ABCA7: variants seen among roughly 807,000 people sequenced by gnomAD.
ABCA7 encodes the protein ATP binding cassette subfamily A member 7.
A neutral mutation model predicts 227.6 loss-of-function variants in ABCA7; 261 were observed. The observed-to-expected ratio is 1.15, with a 90% CI of 1.04 to 1.27. The LOEUF is 1.27. ABCA7 is among the 50% of genes most tolerant of loss of function. The pLI, the probability that ABCA7 is intolerant of heterozygous loss-of-function variation, is 0.00. For synonymous variants in ABCA7, 1,488 were observed against 1,279.7 expected (o/e 1.16, Z -3.47); for missense variants, 3,331 against 2,924.5 (o/e 1.14, Z -3.21).
rs767152491 is a variant in ABCA7 at position 1,055,327 on chromosome 19, C to T, written c.4181C>T (p.Thr1394Ile). ...AACCTGTCTGACTTCCTGGTCAAGA[C>T]CTACCCGCGCCTGGTGCGCCAGGGG... Reference protein sequence around the residue: ...GRNLSDFLVKTYPRLVRQGLK... With the variant: ...GRNLSDFLVKIYPRLVRQGLK... Residue 1394 changes from threonine to isoleucine, a missense_variant, in exon 30 of 47, where the codon ACC becomes ATC. By Grantham distance (89) the Thr-to-Ile change is moderately conservative (BLOSUM62 -1). Transcript: ENST00000263094. The T allele has an allele frequency of 1.9e-6, 3 of 1,593,642 alleles. No homozygotes were observed. Among genetic ancestry groups the T allele is most frequent in the African/African-American group, 2.7e-5 (2 of 74,692 alleles).
chr19:1,061,351 C>A (rs1188757047), intron 40 of ABCA7, among the ~76,000 whole-genome samples: 1 of 137,974 alleles, frequency 7.2e-6, no homozygotes, highest in African/African-American at 2.9e-5. Context: ...GGGCCAAGAT[C>A]GTGCCATTGC....
In ABCA7 at chr19:1,054,154, C is replaced by T. The variant is rs1340823555; in HGVS notation, c.3578-39C>T. The T allele has an allele frequency of 3.1e-6, 5 of 1,612,204 alleles. No homozygotes were observed. The highest frequency in any genetic ancestry group is 1.7e-5 in the Admixed American group (1 of 59,940). On this transcript the variant is annotated intron_variant, in intron 26 of 46. Transcript: ENST00000263094. The surrounding 1 kb of genome is among the most constrained non-coding windows in gnomAD (Gnocchi z 4.8). Reference sequence around the variant, plus strand: ...CCCTGGGGTCCTCCCAGCCACCCCCCCACAGCAGCGTGAGCACTGACCCTC... The same window carrying T: ...CCCTGGGGTCCTCCCAGCCACCCCCTCACAGCAGCGTGAGCACTGACCCTC...
chr19:1,051,870 C>T (rs2041664414), intron 21 of ABCA7, 72 bp from the exon 22 acceptor site: 1 of 1,566,474 alleles, frequency 6.4e-7, no homozygotes, highest in Middle Eastern at 2.3e-4. Flanking sequence ...CAGACAACTC[C>T]TGGCAGAGGC....
chr19:1,064,318 G>A (rs1453047636), intron 45 of ABCA7, 65 bp downstream of exon 45: 4 of 1,454,102 alleles, frequency 2.8e-6, no homozygotes, highest in Non-Finnish European at 3.7e-6. Context: ...GCTCAGGGGA[G>A]AGGCCAGACG....
At chr19:1,057,105 G>C in intron 34 of ABCA7, 21 bp downstream of exon 34, 1 of 1,603,248 alleles carries the variant, frequency 6.2e-7, no homozygotes, top group Non-Finnish European at 8.5e-7. Flanking sequence ...TGCTTGGACG[G>C]GTGGGGGCCC....
At chr19:1,048,766 G>A (rs1330325246) in intron 16 of ABCA7, 129 bp from the exon 17 acceptor site, 2 of 464,272 alleles carry the variant, frequency 4.3e-6, no homozygotes, top group South Asian at 4.6e-5. Context: ...TCAAAATCGT[G>A]CCACTGCACT....
In ABCA7 at chr19:1,063,724, CG is replaced by C. The variant is rs2144969313; in HGVS notation, c.5848-32del. On this transcript the variant is annotated intron_variant, in intron 43 of 46. Coordinates refer to ENST00000263094, the MANE Select transcript of ABCA7 (RefSeq NM_019112.4). ...GGTGGGGTGGGGCCTGCGACGGAGG[CG>C]GGGCCTTGCTTATGGGATCTTCCGT... The C allele has an allele frequency of 1.9e-6, 3 of 1,551,396 alleles. No homozygotes were observed. The African/African-American group carries it at 4.1e-5, about 21-fold the overall frequency.
rs202017276 is a variant in ABCA7 at position 1,042,756 on chromosome 19, G to T, written c.509G>T (p.Gly170Val). Residue 170 changes from glycine to valine, a missense_variant, in exon 7 of 47, where the codon GGG becomes GTG. Gly to Val is a moderately radical substitution (Grantham distance 109). Coordinates refer to ENST00000263094, the MANE Select transcript of ABCA7 (RefSeq NM_019112.4). ...LTSLLRTESL[G>V]LALGQAQEPL... is the part of the protein sequence containing the mutation. ...GGTCTTTCTCCCCAGGAATCCCTGG[G>T]GTTGGCACTGGGCCAAGCCCAGGAG... is the stretch of plus-strand genomic sequence containing the variant. 6.8e-5 allele frequency: 109 copies of T among 1,613,368 alleles called. No individual in the cohort carries two copies. Among genetic ancestry groups the T allele is most frequent in the Non-Finnish European group, 1.7e-6 (2 of 1,179,978 alleles).
In ABCA7 at chr19:1,045,143, C is replaced by G. The variant is rs751814904; in HGVS notation, c.1357C>G (p.Pro453Ala). ...GGACTCTTCAGACCCCACAGAGCACCCAACCCCAGACCTGGGCCCCGGCCA... is the reference window on the plus strand; with the variant it reads ...GGACTCTTCAGACCCCACAGAGCACGCAACCCCAGACCTGGGCCCCGGCCA... Reference protein sequence around the residue: ...PEDSSDPTEHPTPDLGPGHVR... With the variant: ...PEDSSDPTEHATPDLGPGHVR... Residue 453 changes from proline (P) to alanine (A), a missense_variant, in exon 12 of 47, where the codon CCA becomes GCA. Physicochemically the swap from Pro to Ala is conservative, Grantham distance 27. Transcript: ENST00000263094. 6.2e-7 allele frequency: 1 copy of G among 1,612,904 alleles called. No homozygotes were observed.
At position 1,048,961 on chromosome 19, in the gene ABCA7, C is replaced by A. The variant is rs757172525; in HGVS notation, c.2336C>A (p.Pro779His). The A allele has an allele frequency of 9.9e-6, 16 of 1,609,080 alleles. No individual in the cohort carries two copies. The highest frequency in any genetic ancestry group is 8.5e-7 in the Non-Finnish European group (1 of 1,178,310). ...FRRSYWCGPR[P>H]PKSPAPCPTP... ...AGGAGCTACTGGTGCGGACCTCGGC[C>A]CCCCAAGAGTCCAGCCCCTTGCCCC... Residue 779 changes from proline (P) to histidine (H), a missense_variant, in exon 17 of 47, where the codon CCC becomes CAC. Pro to His is a moderately conservative substitution (Grantham distance 77, BLOSUM62 -2). Transcript: ENST00000263094.
rs980344552 is a variant in ABCA7, at chr19:1,054,842, G to A, written c.3914G>A (p.Gly1305Glu). The change falls in exon 29 of 47, where the codon GGA becomes GAA. Residue 1305 changes from glycine (G) to glutamate (E), a missense_variant. Coordinates refer to ENST00000263094, the MANE Select transcript of ABCA7 (RefSeq NM_019112.4). This position sits in a 1 kb window ranked among gnomAD's most constrained non-coding sequence, Gnocchi z 4.8. ...RLLEALLQEAGLEEPPVQHSS... is the reference protein window; with the variant it reads ...RLLEALLQEAELEEPPVQHSS... ...CTCGAGGCGCTGCTGCAGGAGGCAG[G>A]ACTGGAGGAGCCCCCAGTGCAGCAT... The A allele has an allele frequency of 1.7e-5, 27 of 1,566,380 alleles. No individual in the cohort carries two copies. Among genetic ancestry groups the A allele is most frequent in the African/African-American group, 1.1e-4 (8 of 73,536 alleles).
At position 1,051,444 on chromosome 19, in the gene ABCA7, A is replaced by G; in HGVS notation, c.2825-5A>G. ...ACACTGAGGTCCCTTCCCCATCTCT[A>G]CCAGGTGGGATGCAACGGAAGCTGT... On this transcript the variant is annotated splice_region_variant and splice_polypyrimidine_tract_variant and intron_variant, in intron 20 of 46. Coordinates refer to ENST00000263094, the MANE Select transcript of ABCA7 (RefSeq NM_019112.4). 6.3e-7 allele frequency: 1 copy of G among 1,575,628 alleles called. No homozygotes were observed. The highest frequency in any genetic ancestry group is 8.6e-7 in the Non-Finnish European group (1 of 1,158,406).
chr19:1,042,201 C>T, intron 5 of ABCA7, 25 bp downstream of exon 5: 1 of 1,599,322 alleles, frequency 6.3e-7, no homozygotes, highest in South Asian at 1.1e-5. Context: ...GGGCCTCTGG[C>T]AGGGCTGAGC....
intron 19 of ABCA7, 51 bp from the exon 20 acceptor site, chr19:1,051,104 C>T: frequency 6.2e-7 from 1 of 1,611,350 alleles, no homozygotes. Flanking sequence ...TGGACGCCCT[C>T]TGGGACTCTG....
chr19:1,058,399 GGTT>G, intron 37 of ABCA7, 130 bp downstream of exon 37: 1 of 1,459,048 alleles, frequency 6.9e-7, no homozygotes, highest in Non-Finnish European at 9.1e-7. Context: ...GTGGCCCTAA[GGTT>G]GGGCCAAGTT....
At chr19:1,060,683 C>T (rs904715880) in intron 40 of ABCA7, among the ~76,000 whole-genome samples, 1 of 151,974 alleles carries the variant, frequency 6.6e-6, no homozygotes, top group Non-Finnish European at 1.5e-5. Flanking sequence ...CCACAACCGG[C>T]TAATTTTTGT....
chr19:1,053,516 C>T lies in ABCA7; in HGVS notation c.3408C>T (p.Asp1136=), dbSNP rs1481343289. ...ELRLTGYGIS[D]TSLEEIFLKV... ...GGCTCACTGGCTACGGGATCTCCGA[C>T]ACCAGCCTCGAGGAGGTGTGAGGCC... The change falls in exon 24 of 47, where the codon GAC becomes GAT. Residue 1136 remains aspartate (D), a synonymous_variant. Transcript: ENST00000263094. 2 of 1,567,290 alleles carry T rather than the reference C, an allele frequency of 1.3e-6. No homozygotes were observed. The highest frequency in any genetic ancestry group is 1.7e-6 in the Non-Finnish European group (2 of 1,161,454).
At chr19:1,051,789 A>C (rs1258217877) in intron 21 of ABCA7, among the ~76,000 whole-genome samples, 153 bp from the exon 22 acceptor site, 1 of 152,158 alleles carries the variant, frequency 6.6e-6, no homozygotes, top group African/African-American at 2.4e-5. Flanking sequence ...CTGAAGGGCC[A>C]GAAAAGGTTT....
Position 1,054,419 on chromosome 19 carries a change from C to G in ABCA7, c.3726+78C>G. On this transcript the variant is annotated intron_variant, in intron 27 of 46. Coordinates refer to ENST00000263094, the MANE Select transcript of ABCA7 (RefSeq NM_019112.4). The surrounding 1 kb of genome is among the most constrained non-coding windows in gnomAD (Gnocchi z 4.8). The stretch of plus-strand genomic sequence containing the variant: ...CTGGCCGTCCACTCAGTGGCCTAAT[C>G]CAAACCCTTACCCCCGTGTGTATTC... The G allele has an allele frequency of 6.4e-7, 1 of 1,552,322 alleles. No homozygotes were observed. The highest frequency in any genetic ancestry group is 8.7e-7 in the Non-Finnish European group (1 of 1,151,776).
Sources: allele counts gnomAD v4.1 joint callset (sites outside exome capture counted in the v4.1 genomes callset), GRCh38; gene constraint gnomAD v4.1.1; non-coding constraint Gnocchi (gnomAD v3.1); transcripts MANE v1.5; gene names NCBI Gene and HGNC (gene_info 2026-07-23, HGNC 2026-07-21).